The following CTSZ variants were observed in gnomAD, a reference collection of about 807,000 sequenced individuals.
The protein encoded by CTSZ is carboxypeptidase LB.
In CTSZ, 39 loss-of-function variants were observed where a neutral mutation model predicts 32.4. The observed-to-expected ratio is 1.20, with a 90% CI of 0.93 to 1.57. The LOEUF (loss-of-function observed/expected upper bound fraction) is 1.57, where lower values mean the gene tolerates loss of function less well. CTSZ is among the 40% of genes most tolerant of loss of function. The pLI is 0.00. For synonymous variants in CTSZ, 168 were observed against 170.1 expected, an observed-to-expected ratio of 0.99 and a Z score of 0.10; for missense variants, 397 against 419.6, an observed-to-expected ratio of 0.95 and a Z score of 0.47.
chr20:59,001,401 G>A lies in CTSZ; in HGVS notation c.487+64C>T, dbSNP rs953358623. 58 of 1,516,320 alleles carry A rather than the reference G, an allele frequency of 3.8e-5. No individual in the cohort carries two copies. In the African/African-American group the frequency reaches 7.4e-4, roughly 19 times the overall value. 93.9% of individuals were successfully genotyped at this position (1,516,320 alleles called of 1,614,324 possible). On this transcript the variant is annotated intron_variant, in intron 3 of 5. Coordinates refer to ENST00000217131, the MANE Select transcript of CTSZ (RefSeq NM_001336.4). ...GGGGTCAGGCTGGGTCCTCAGCCAC[G>A]AAGGCCTGTGGAAGAGGGAGTGGAG...
intron 2 of CTSZ, among the ~76,000 whole-genome samples, chr20:59,001,981 T>A (rs1291781764): frequency 6.6e-6 from 1 of 152,228 alleles, no homozygotes; most frequent in Non-Finnish European, 1.5e-5. Context: ...AAGGGCTGAA[T>A]GGACAGAGAC....
Position 59,001,459 on chromosome 20 carries a change from G to A in CTSZ, c.487+6C>T. On this transcript the variant is annotated splice_donor_region_variant and intron_variant, in intron 3 of 5. Coordinates refer to ENST00000217131, the MANE Select transcript of CTSZ (RefSeq NM_001336.4). ...GGGTGGAGTGGGGGCACGGGCAGCA[G>A]CCTACCCTGGTCCTTGGCCTGGTAG... 2 of 1,607,296 alleles carry A rather than the reference G, an allele frequency of 1.2e-6. No individual in the cohort carries two copies. The highest frequency in any genetic ancestry group is 1.7e-6 in the Non-Finnish European group (2 of 1,175,060).
chr20:58,996,616 T>C (rs952695862), intron 5 of CTSZ, 23 bp downstream of exon 5: 2 of 1,610,504 alleles, frequency 1.2e-6, no homozygotes, highest in Admixed American at 3.3e-5. Context: ...AGGAATGACC[T>C]TAAGAAAATG....
Position 59,007,075 on chromosome 20 carries a change from C to G in CTSZ, c.54G>C (p.Ala18=), listed in dbSNP as rs748113074. The G allele has an allele frequency of 3.4e-6, 5 of 1,460,096 alleles. No homozygotes were observed. The South Asian group carries it at 5.2e-5, about 15-fold the overall frequency. The allele number at this position is 1,460,096 out of a possible 1,614,324, so 90.4% of individuals were successfully genotyped here. A position where few individuals can be genotyped will look rare whatever the true frequency, so the allele number is the denominator to read the frequency against. The change falls in exon 1 of 6, where the codon GCG becomes GCC. Residue 18 remains alanine, a synonymous_variant. Transcript: ENST00000217131. ...AGTAGAGGCCGCCCTGCGCCGCGCC[C>G]GCCAGCAGCACGAGCAGCAGAAGCG... ...WRPLLLLVLL[A]GAAQGGLYFR... is the part of the protein sequence containing the mutation.
At chr20:58,998,850 T>TA (rs2091874852) in intron 3 of CTSZ, among the ~76,000 whole-genome samples, 2 of 152,254 alleles carry the variant, frequency 1.3e-5, no homozygotes, top group African/African-American at 4.8e-5. Context: ...CTGTCATAGT[T>TA]ACACATCTGT....
Position 59,004,242 on chromosome 20 carries a change from G to A in CTSZ, c.307+2080C>T, listed in dbSNP as rs375598301. Among the ~76,000 whole-genome samples the A allele has an allele frequency of 1.3e-5, 2 of 152,132 alleles. No individual in the cohort carries two copies. Among genetic ancestry groups the A allele is most frequent in the East Asian group, 1.9e-4 (1 of 5,190 alleles). ...GTGTCAGGTGACCGGGACAGCGGGC[G>A]AGTGGGCAGGTGGATGTCAAGCTGA... On this transcript the variant is annotated intron_variant, in intron 2 of 5. Coordinates refer to ENST00000217131, the MANE Select transcript of CTSZ (RefSeq NM_001336.4). The surrounding 1 kb of genome is among the most constrained non-coding windows in gnomAD (Gnocchi z 5.6).
rs1051635744 is a variant in CTSZ at position 59,006,935 on chromosome 20, C to G, written c.143+51G>C. 15 of 1,347,558 alleles carry G rather than the reference C, an allele frequency of 1.1e-5. 1 individual carries two copies. Among genetic ancestry groups the G allele is most frequent in the Middle Eastern group, 5.5e-4 (2 of 3,644 alleles). The allele number at this position is 1,347,558 out of a possible 1,614,324, so 83.5% of individuals were successfully genotyped here. Reference sequence around the variant, plus strand: ...CAGGAGGCAGAGCGCGCGCCTGGCCCGGGCGATGGGCCTCCCGTCCCCCCA... The same window carrying G: ...CAGGAGGCAGAGCGCGCGCCTGGCCGGGGCGATGGGCCTCCCGTCCCCCCA... On this transcript the variant is annotated intron_variant, in intron 1 of 5. Transcript: ENST00000217131.
At chr20:58,999,306 G>C (rs1007447745) in intron 3 of CTSZ, among the ~76,000 whole-genome samples, 4 of 152,202 alleles carry the variant, frequency 2.6e-5, no homozygotes, top group African/African-American at 9.6e-5. Context: ...AAAGTGCTGG[G>C]ATTACAGGTG....
chr20:59,003,853 T>C (rs747041049), intron 2 of CTSZ, among the ~76,000 whole-genome samples: 10 of 152,044 alleles, frequency 6.6e-5, no homozygotes, highest in Non-Finnish European at 1.3e-4. Flanking sequence ...GTTCTGTCTT[T>C]TATCTGAGTG....
rs2091912366 is a variant in CTSZ, at chr20:59,007,113, G to GCCCGCGCCTCGCCATGGC, written c.-3_15dup (p.Gly5_Pro6insAlaMetAlaArgArgGly). On this transcript the variant is annotated inframe_insertion, in exon 1 of 6. Transcript: ENST00000217131. ...AGCAGCAGAAGCGGCCGCCACCCTG[G>GCCCGCGCCTCGCCATGGC]CCCGCGCCTCGCCATGGCCCCGCGC... The GCCCGCGCCTCGCCATGGC allele has an allele frequency of 1.4e-6, 2 of 1,402,044 alleles. No individual in the cohort carries two copies. The highest frequency in any genetic ancestry group is 1.8e-6 in the Non-Finnish European group (2 of 1,083,856). 86.9% of individuals were successfully genotyped at this position (1,402,044 alleles called of 1,614,324 possible). A position where few individuals can be genotyped will look rare whatever the true frequency, so the allele number is the denominator to read the frequency against.
Position 59,006,385 on chromosome 20 carries a change from T to A in CTSZ, c.244A>T (p.Asn82Tyr). 6.2e-7 allele frequency: 1 copy of A among 1,613,950 alleles called. No homozygotes were observed. Among genetic ancestry groups the A allele is most frequent in the Non-Finnish European group, 8.5e-7 (1 of 1,180,016 alleles). Residue 82 changes from asparagine to tyrosine, a missense_variant, in exon 2 of 6, where the codon AAC becomes TAC. Transcript: ENST00000217131. ...DGVNYASITR[N>Y]QHIPQYCGSC... Reference sequence around the variant, plus strand: ...CCGCAGTATTGGGGGATGTGCTGGTTCCGGGTGATGCTGGCATAGTTGACA... The same window carrying A: ...CCGCAGTATTGGGGGATGTGCTGGTACCGGGTGATGCTGGCATAGTTGACA...
At position 59,006,431 on chromosome 20, in the gene CTSZ, C is replaced by T. The variant is rs764926142; in HGVS notation, c.198G>A (p.Trp66Ter). 2 of 1,613,888 alleles carry T rather than the reference C, an allele frequency of 1.2e-6. No homozygotes were observed. The highest frequency in any genetic ancestry group is 3.3e-5 in the Admixed American group (2 of 60,012). The stretch of plus-strand genomic sequence containing the variant: ...TGACACCATCCACATTGCGCCAGTC[C>T]CAGCTCTTGGGCAGATCCGCTGGGG... ...YLSPADLPKS[W>*]DWRNVDGVNY... The change falls in exon 2 of 6, where the codon TGG becomes TGA. Residue 66 changes from tryptophan to a stop codon, truncating the protein, a stop_gained. Coordinates refer to ENST00000217131, the MANE Select transcript of CTSZ (RefSeq NM_001336.4). LOFTEE classifies it high-confidence loss of function.
intron 3 of CTSZ, among the ~76,000 whole-genome samples, chr20:59,000,053 A>C (rs2091882001): frequency 7.7e-6 from 1 of 130,344 alleles, no homozygotes; most frequent in African/African-American, 3.0e-5. Flanking sequence ...TGGGCGAAAG[A>C]GCGAGACTCC....
At chr20:59,006,222 G>A in intron 2 of CTSZ, 100 bp downstream of exon 2, 1 of 1,424,906 alleles carries the variant, frequency 7.0e-7, no homozygotes, top group Non-Finnish European at 9.3e-7. Context: ...ACCTGGCCTT[G>A]AATCACAGGC....
intron 4 of CTSZ, 67 bp downstream of exon 4, chr20:58,997,536 C>A: frequency 2.1e-6 from 3 of 1,436,400 alleles, no homozygotes; most frequent in Non-Finnish European, 2.8e-6. Flanking sequence ...ACCCGCGGGA[C>A]CTTTCCTCAC....
At chr20:58,996,540 C>A (rs762184406) in intron 5 of CTSZ, 99 bp downstream of exon 5, 1 of 1,314,008 alleles carries the variant, frequency 7.6e-7, no homozygotes, top group Admixed American at 1.8e-5. Context: ...TCTGTCAAGG[C>A]CCCAGTTTTT....
Position 59,007,224 on chromosome 20 carries a change from T to TAGGCCC in CTSZ, c.-97_-96insGGGCCT. On this transcript the variant is annotated 5_prime_UTR_variant, in exon 1 of 6. Transcript: ENST00000217131. ...TCTGGATCCCGCCCCGGCCTCGGCC[T>TAGGCCC]CGGCCCAGCACCCGGCCGACCCCGC... 1 of 842,270 alleles carries TAGGCCC rather than the reference T, an allele frequency of 1.2e-6. No individual in the cohort carries two copies. Among genetic ancestry groups the TAGGCCC allele is most frequent in the Non-Finnish European group, 1.5e-6 (1 of 658,464 alleles). The allele number at this position is 842,270 out of a possible 1,614,324, so 52.2% of individuals were successfully genotyped here.
chr20:58,997,516 A>T, intron 4 of CTSZ, 87 bp downstream of exon 4: 1 of 1,301,842 alleles, frequency 7.7e-7, no homozygotes, highest in Non-Finnish European at 1.0e-6. Context: ...GTCACCGCGG[A>T]TCTCTCCTCA....
At chr20:59,003,227 G>A (rs1303943144) in intron 2 of CTSZ, among the ~76,000 whole-genome samples, 1 of 152,172 alleles carries the variant, frequency 6.6e-6, no homozygotes, top group Non-Finnish European at 1.5e-5. Context: ...CCAACCCGGC[G>A]ACAGCAGTCC....
Sources: gnomAD v4.1 joint callset for allele counts (sites outside exome capture counted in the v4.1 genomes callset) on GRCh38, gnomAD v4.1.1 for gene constraint, Gnocchi (gnomAD v3.1) non-coding constraint, MANE v1.5 for transcripts, NCBI Gene and HGNC (gene_info 2026-07-23, HGNC 2026-07-21) for gene names.